The following PCDHGB7 variants were observed in gnomAD, a reference collection of about 807,000 sequenced individuals.
The protein encoded by PCDHGB7 is protocadherin gamma subfamily B, 7, also known as protocadherin gamma-B7.
In PCDHGB7, 37 loss-of-function variants were observed where a neutral mutation model predicts 61.4. The ratio of observed to expected loss-of-function variants is 0.60; its 90% CI spans 0.46 to 0.79. The LOEUF is 0.79. PCDHGB7 is among the 30% of genes least tolerant of loss of function. PCDHGB7 has a pLI of 0.00. For missense variants in PCDHGB7, 1,166 were observed against 1,202.5 expected, an observed-to-expected ratio of 0.97 and a Z score of 0.45; for synonymous variants, 464 against 503.5, an observed-to-expected ratio of 0.92 and a Z score of 1.05.
In PCDHGB7 at chr5:141,419,882, T is replaced by A. The variant is rs145814583; in HGVS notation, c.2023T>A (p.Phe675Ile). ...ADSLQEVLPD[F>I]SDHPTPSDSQ... ...TAGCTTGCAAGAGGTACTGCCGGAT[T>A]TCAGCGACCATCCCACACCCTCTGA... Residue 675 changes from phenylalanine (F) to isoleucine (I), a missense_variant, in exon 1 of 4, where the codon TTC becomes ATC. Phe to Ile is a conservative substitution (Grantham distance 21). Transcript: ENST00000398594. The A allele has an allele frequency of 4.9e-3, 7,980 of 1,614,092 alleles. 44 individuals carry two copies. Among genetic ancestry groups the A allele is most frequent in the Admixed American group, 9.4e-3 (567 of 60,032 alleles).
At position 141,491,299 on chromosome 5, in the gene PCDHGB7, C is replaced by T. The variant is rs777271881; in HGVS notation, c.2416-3508C>T. ...TGACTTCCTCATACACCCTCCTGAG[C>T]GTTCAGACCTTACCCTTTACCTCAT... On this transcript the variant is annotated intron_variant, in intron 1 of 3. Transcript: ENST00000398594. This position sits in a 1 kb window ranked among gnomAD's most constrained non-coding sequence, Gnocchi z 6.9. 3.7e-6 allele frequency: 6 copies of T among 1,614,068 alleles called. No individual in the cohort carries two copies. Among genetic ancestry groups the T allele is most frequent in the Non-Finnish European group, 5.1e-6 (6 of 1,179,896 alleles).
Position 141,477,917 on chromosome 5 carries a change from G to C in PCDHGB7, c.2416-16890G>C. 6.2e-7 allele frequency: 1 copy of C among 1,614,186 alleles called. No individual in the cohort carries two copies. The highest frequency in any genetic ancestry group is 2.2e-5 in the East Asian group (1 of 44,868). On this transcript the variant is annotated intron_variant, in intron 1 of 3. Transcript: ENST00000398594. The surrounding 1 kb of genome is among the most constrained non-coding windows in gnomAD (Gnocchi z 4.9). ...GGTGGTAGGCTGGGACGCGGATGCA[G>C]GGCACAATGCCTGGCTCTCCTACAG...
rs1264130543 is a variant in PCDHGB7 at position 141,485,467 on chromosome 5, C to T, written c.2416-9340C>T. 2 of 1,614,112 alleles carry T rather than the reference C, an allele frequency of 1.2e-6. No homozygotes were observed. The highest frequency in any genetic ancestry group is 1.7e-6 in the Non-Finnish European group (2 of 1,180,024). On this transcript the variant is annotated intron_variant, in intron 1 of 3. Transcript: ENST00000398594. The surrounding 1 kb of genome is among the most constrained non-coding windows in gnomAD (Gnocchi z 5.7). ...TCGACCGAGAGGCACTGTGTGGGCT[C>T]AGTGCCAGCTGCATCGTGCCCCTGG... is the stretch of plus-strand genomic sequence containing the variant.
chr5:141,477,066 T>C lies in PCDHGB7; in HGVS notation c.2416-17741T>C. ...CGGCTGGACTTCGAGGACACCAAAC[T>C]CCATGAGATTTACATCCAGGCCAAA... On this transcript the variant is annotated intron_variant, in intron 1 of 3. Coordinates refer to ENST00000398594, the MANE Select transcript of PCDHGB7 (RefSeq NM_018927.4). This position sits in a 1 kb window ranked among gnomAD's most constrained non-coding sequence, Gnocchi z 4.9. 6.2e-7 allele frequency: 1 copy of C among 1,614,148 alleles called. No homozygotes were observed. The highest frequency in any genetic ancestry group is 8.5e-7 in the Non-Finnish European group (1 of 1,180,028).
intron 1 of PCDHGB7, among the ~76,000 whole-genome samples, chr5:141,448,871 G>A (rs1326162054): frequency 6.6e-6 from 1 of 152,148 alleles, no homozygotes; most frequent in Non-Finnish European, 1.5e-5. Flanking sequence ...CGTGAACCTG[G>A]GAGGCGGAGC....
Position 141,491,680 on chromosome 5 carries a change from A to G in PCDHGB7, c.2416-3127A>G. The G allele has an allele frequency of 6.2e-7, 1 of 1,613,304 alleles. No individual in the cohort carries two copies. The highest frequency in any genetic ancestry group is 2.2e-5 in the East Asian group (1 of 44,820). ...TGACGCCATCCGGTCCCGCTCTAATACGCTGCGGGAGCGGAGCCAGGTGAG... is the reference window on the plus strand; with the variant it reads ...TGACGCCATCCGGTCCCGCTCTAATGCGCTGCGGGAGCGGAGCCAGGTGAG... On this transcript the variant is annotated intron_variant, in intron 1 of 3. Transcript: ENST00000398594. The surrounding 1 kb of genome is among the most constrained non-coding windows in gnomAD (Gnocchi z 6.9).
chr5:141,475,935 C>CCCGT, intron 1 of PCDHGB7: 1 of 669,050 alleles, frequency 1.5e-6, no homozygotes, highest in Middle Eastern at 4.2e-4. Flanking sequence ...CGGGCCCCTG[C>CCCGT]CCGTCCCCTT....
At chr5:141,422,934 C>T in intron 1 of PCDHGB7, 1 of 1,614,254 alleles carries the variant, frequency 6.2e-7, no homozygotes, top group Non-Finnish European at 8.5e-7. Context: ...CTGCCCTCCC[C>T]ACAGACGGCT....
Position 141,418,883 on chromosome 5 carries a change from G to A in PCDHGB7, c.1024G>A (p.Asp342Asn), listed in dbSNP as rs376245268. 3.1e-6 allele frequency: 5 copies of A among 1,613,960 alleles called. No homozygotes were observed. Among genetic ancestry groups the A allele is most frequent in the East Asian group, 2.2e-5 (1 of 44,886 alleles). The change falls in exon 1 of 4, where the codon GAC becomes AAC. Residue 342 changes from aspartate to asparagine, a missense_variant. Physicochemically the swap from Asp to Asn is conservative, Grantham distance 23 (BLOSUM62 1). Transcript: ENST00000398594. ...AATTGTAGAAGTTGTAGACGAAAAC[G>A]ACAACAGCCCAGAAATAATCATCAC... is the stretch of plus-strand genomic sequence containing the variant. ...KVIVEVVDEN[D>N]NSPEIIITSL...
chr5:141,451,212 G>A (rs2098710632), intron 1 of PCDHGB7, among the ~76,000 whole-genome samples: 1 of 152,156 alleles, frequency 6.6e-6, no homozygotes, highest in Non-Finnish European at 1.5e-5. Context: ...AAACTTAGTG[G>A]CTTAAAAGAA....
intron 2 of PCDHGB7, among the ~76,000 whole-genome samples, chr5:141,499,029 A>G (rs140948405): frequency 1.5e-3 from 205 of 140,068 alleles, no homozygotes; most frequent in African/African-American, 5.5e-3. Context: ...AGGAAGGAAG[A>G]AAAGAAAGAA....
chr5:141,438,811 G>T (rs2098067148), intron 1 of PCDHGB7, among the ~76,000 whole-genome samples: 1 of 149,790 alleles, frequency 6.7e-6, no homozygotes, highest in East Asian at 2.0e-4. Context: ...ACAGGCGCCT[G>T]TCACCATGCC....
rs748828282 is a variant in PCDHGB7 at position 141,491,412 on chromosome 5, C to T, written c.2416-3395C>T. The T allele has an allele frequency of 3.1e-6, 5 of 1,613,944 alleles. No homozygotes were observed. The African/African-American group carries it at 5.3e-5, about 17-fold the overall frequency. Reference sequence around the variant, plus strand: ...GCCTTCAGGGAAACGCAGACGGGGACGGGGGTGGAGGGCAGTGCTGCAGGC... The same window carrying T: ...GCCTTCAGGGAAACGCAGACGGGGATGGGGGTGGAGGGCAGTGCTGCAGGC... On this transcript the variant is annotated intron_variant, in intron 1 of 3. Coordinates refer to ENST00000398594, the MANE Select transcript of PCDHGB7 (RefSeq NM_018927.4). The surrounding 1 kb of genome is among the most constrained non-coding windows in gnomAD (Gnocchi z 6.9).
rs1377364370 is a variant in PCDHGB7, at chr5:141,477,489, C to T, written c.2416-17318C>T. 1 of 1,614,048 alleles carries T rather than the reference C, an allele frequency of 6.2e-7. No homozygotes were observed. Among genetic ancestry groups the T allele is most frequent in the Non-Finnish European group, 8.5e-7 (1 of 1,180,044 alleles). On this transcript the variant is annotated intron_variant, in intron 1 of 3. Coordinates refer to ENST00000398594, the MANE Select transcript of PCDHGB7 (RefSeq NM_018927.4). This position sits in a 1 kb window ranked among gnomAD's most constrained non-coding sequence, Gnocchi z 4.9. ...ATCAATGACAACCCTCCACAATCTT[C>T]TCAATCTTCCTACGACGTTTACATT...
rs773499765 is a variant in PCDHGB7 at position 141,489,626 on chromosome 5, A to T, written c.2416-5181A>T. 6.2e-6 allele frequency: 10 copies of T among 1,613,568 alleles called. No individual in the cohort carries two copies. In the South Asian group the frequency reaches 9.9e-5, roughly 16 times the overall value. On this transcript the variant is annotated intron_variant, in intron 1 of 3. Coordinates refer to ENST00000398594, the MANE Select transcript of PCDHGB7 (RefSeq NM_018927.4). The surrounding 1 kb of genome is among the most constrained non-coding windows in gnomAD (Gnocchi z 4.5). The stretch of plus-strand genomic sequence containing the variant: ...GTAGAGATCCTGGATCTCAATGACA[A>T]CTCTCCTAGCTTTGCCACCCCTGAG...
chr5:141,483,814 C>A (rs1262593892), intron 1 of PCDHGB7, among the ~76,000 whole-genome samples: 4 of 151,994 alleles, frequency 2.6e-5, no homozygotes, highest in African/African-American at 9.7e-5. Flanking sequence ...TTTTTGGCAG[C>A]CAGTGTAACC....
intron 1 of PCDHGB7, among the ~76,000 whole-genome samples, chr5:141,458,436 C>T (rs2098945707): frequency 6.6e-6 from 1 of 152,056 alleles, no homozygotes; most frequent in Non-Finnish European, 1.5e-5. Context: ...AAGAGGAGGT[C>T]CCCCACATTA....
At position 141,419,533 on chromosome 5, in the gene PCDHGB7, C is replaced by T; in HGVS notation, c.1674C>T (p.Asn558=). The T allele has an allele frequency of 6.2e-7, 1 of 1,612,106 alleles. No individual in the cohort carries two copies. Among genetic ancestry groups the T allele is most frequent in the Non-Finnish European group, 8.5e-7 (1 of 1,179,516 alleles). The part of the protein sequence containing the change: ...LRVLVGDRND[N]APRVLYPALG... ...TGTTGGTGGGCGACCGTAACGACAA[C>T]GCACCGCGGGTGCTGTACCCTGCGC... The change falls in exon 1 of 4, where the codon AAC becomes AAT. Residue 558 remains asparagine, a synonymous_variant. Coordinates refer to ENST00000398594, the MANE Select transcript of PCDHGB7 (RefSeq NM_018927.4).
intron 1 of PCDHGB7, chr5:141,422,014 C>A: frequency 6.2e-7 from 1 of 1,610,158 alleles, no homozygotes; most frequent in Non-Finnish European, 8.5e-7. Flanking sequence ...AACTCGGGTG[C>A]TGATGGTTAA....
Sources: allele counts gnomAD v4.1 joint callset (sites outside exome capture counted in the v4.1 genomes callset), GRCh38; gene constraint gnomAD v4.1.1; non-coding constraint Gnocchi (gnomAD v3.1); transcripts MANE v1.5; gene names NCBI Gene and HGNC (gene_info 2026-07-23, HGNC 2026-07-21).